Variants in NUAK1 observed in about 807,000 individuals in gnomAD.
The protein encoded by NUAK1 is NUAK family SNF1-like kinase 1.
In NUAK1, 26 loss-of-function variants were observed where a neutral mutation model predicts 56.9. The ratio of observed to expected loss-of-function variants is 0.46; its 90% CI spans 0.33 to 0.63. NUAK1 has a LOEUF of 0.63. Among genes scored for constraint, NUAK1 ranks in the 30% least tolerant of loss-of-function variants. The pLI, the probability that NUAK1 is intolerant of heterozygous loss-of-function variation, is 0.02. For synonymous variants in NUAK1, 337 were observed against 336.0 expected (o/e 1.00, Z -0.03); for missense variants, 727 against 876.1 (o/e 0.83, Z 2.15).
At chr12:106,113,513 A>C (rs529810216) in intron 1 of NUAK1, among the ~76,000 whole-genome samples, 2 of 152,010 alleles carry the variant, frequency 1.3e-5, no homozygotes, top group South Asian at 4.2e-4. Context: ...TGAAGGTGGC[A>C]GTGTTCAGGG....
chr12:106,101,455 A>G (rs940422825), intron 2 of NUAK1, among the ~76,000 whole-genome samples: 2 of 152,166 alleles, frequency 1.3e-5, no homozygotes, highest in African/African-American at 4.8e-5. Context: ...TGAGGTCCTT[A>G]GCACAGGCCC....
intron 3 of NUAK1, among the ~76,000 whole-genome samples, chr12:106,086,140 A>C (rs1455165754): frequency 6.6e-6 from 1 of 152,134 alleles, no homozygotes; most frequent in Non-Finnish European, 1.5e-5. Flanking sequence ...ACATGAGAGG[A>C]AAATATTCAT....
Position 106,083,038 on chromosome 12 carries a change from T to C in NUAK1, c.579+826A>G, listed in dbSNP as rs947507730. Among the ~76,000 whole-genome samples the C allele has an allele frequency of 6.6e-5, 10 of 152,272 alleles. No individual in the cohort carries two copies. In the South Asian group the frequency reaches 2.1e-3, roughly 32 times the overall value. On this transcript the variant is annotated intron_variant, in intron 4 of 6. Transcript: ENST00000261402. ...TTTTGTAGACGTGGTCAAAAGGACA[T>C]TCAGAGGGCTCCCTGGGAGGCACTT...
In NUAK1 at chr12:106,097,238, C is replaced by T. The variant is rs1169024323; in HGVS notation, c.361+9167G>A. ...GGTCACACTGCAGTAACTAGCAGTG[C>T]AATTGGCTCACTCAAATCTCAGCCT... On this transcript the variant is annotated intron_variant, in intron 2 of 6. Coordinates refer to ENST00000261402, the MANE Select transcript of NUAK1 (RefSeq NM_014840.3). Among the ~76,000 whole-genome samples, 4 of 152,212 alleles carry T rather than the reference C, an allele frequency of 2.6e-5. No homozygotes were observed. In the East Asian group the frequency reaches 7.7e-4, roughly 29 times the overall value.
Position 106,086,756 on chromosome 12 carries a change from G to C in NUAK1, c.491C>G (p.Ser164Cys), listed in dbSNP as rs2032574572. 3 of 1,614,094 alleles carry C rather than the reference G, an allele frequency of 1.9e-6. No homozygotes were observed. Among genetic ancestry groups the C allele is most frequent in the East Asian group, 2.2e-5 (1 of 44,880 alleles). The change falls in exon 3 of 7, where the codon TCT becomes TGT. Residue 164 changes from serine to cysteine, a missense_variant. Transcript: ENST00000261402. Reference protein sequence around the residue: ...ETRHFFRQIVSAVHYCHKNGV... With the variant: ...ETRHFFRQIVCAVHYCHKNGV... ...TACCTTGTGACAATAGTGCACAGCA[G>C]AGACGATCTGCCGGAAGAAGTGCCG...
chr12:106,109,766 G>C (rs1472884318), intron 1 of NUAK1, among the ~76,000 whole-genome samples: 1 of 152,174 alleles, frequency 6.6e-6, no homozygotes, highest in African/African-American at 2.4e-5. Context: ...CATTCATCTA[G>C]TAGAGAAATA....
intron 1 of NUAK1, among the ~76,000 whole-genome samples, chr12:106,117,464 C>T (rs766849722): frequency 2.6e-5 from 4 of 152,200 alleles, no homozygotes; most frequent in Non-Finnish European, 5.9e-5. Flanking sequence ...AAAGCCAAGG[C>T]AGTGTTGCTG....
At chr12:106,076,634 T>G (rs2032468087) in intron 4 of NUAK1, among the ~76,000 whole-genome samples, 1 of 152,146 alleles carries the variant, frequency 6.6e-6, no homozygotes, top group Admixed American at 6.6e-5. Context: ...CCCCACTGCA[T>G]GAAAATTGGG....
chr12:106,065,487 G>GC lies in NUAK1; in HGVS notation c.*1314dup, dbSNP rs1451696214. 1 of 151,936 alleles carries GC rather than the reference G, an allele frequency of 6.6e-6. No homozygotes were observed. The highest frequency in any genetic ancestry group is 1.5e-5 in the Non-Finnish European group (1 of 68,018). The allele number at this position is 151,936 out of a possible 1,614,324, so 9.4% of individuals were successfully genotyped here. ...GAATGGAACTTTCTCTTCCCCCAAA[G>GC]CCCAGGAGTTCATGGCAAAGTTTAA... On this transcript the variant is annotated 3_prime_UTR_variant, in exon 7 of 7. Coordinates refer to ENST00000261402, the MANE Select transcript of NUAK1 (RefSeq NM_014840.3).
At chr12:106,134,799 C>T (rs1020981563) in intron 1 of NUAK1, among the ~76,000 whole-genome samples, 1 of 152,184 alleles carries the variant, frequency 6.6e-6, no homozygotes, top group African/African-American at 2.4e-5. Flanking sequence ...GTGCAATAAA[C>T]AAGGCCCAAA....
In NUAK1 at chr12:106,067,368, T is replaced by C. The variant is rs1297259058; in HGVS notation, c.1420A>G (p.Arg474Gly). The C allele has an allele frequency of 1.2e-6, 2 of 1,614,180 alleles. No homozygotes were observed. Among genetic ancestry groups the C allele is most frequent in the Admixed American group, 1.7e-5 (1 of 60,038 alleles). Reference sequence around the variant, plus strand: ...GGGGAAGAGTAGTAACCTGATTCTCTCTGCTGGGTCTTTTTCAAGATGCCT... The same window carrying C: ...GGGGAAGAGTAGTAACCTGATTCTCCCTGCTGGGTCTTTTTCAAGATGCCT... ...KKGILKKTQQRESGYYSSPER... is the reference protein window; with the variant it reads ...KKGILKKTQQGESGYYSSPER... The change falls in exon 7 of 7, where the codon AGA (arginine) becomes GGA (glycine). Residue 474 changes from arginine (R) to glycine (G), a missense_variant. By Grantham distance (125) the Arg-to-Gly change is moderately radical (BLOSUM62 -2). Transcript: ENST00000261402. The surrounding 1 kb of genome is among the most constrained non-coding windows in gnomAD (Gnocchi z 6.0).
chr12:106,067,059 C>G lies in NUAK1; in HGVS notation c.1729G>C (p.Val577Leu). 6.2e-7 allele frequency: 1 copy of G among 1,614,234 alleles called. No homozygotes were observed. Among genetic ancestry groups the G allele is most frequent in the Non-Finnish European group, 8.5e-7 (1 of 1,180,046 alleles). ...RPSSVISDDS[V>L]LSSDSFDLLD... ...AAGTCAAAAGAGTCGCTGGACAGCA[C>G]GCTGTCATCGCTGATGACACTGGAA... is the stretch of plus-strand genomic sequence containing the variant. Residue 577 changes from valine to leucine, a missense_variant, in exon 7 of 7, where the codon GTG becomes CTG. Val to Leu is a conservative substitution (Grantham distance 32). Transcript: ENST00000261402. This position sits in a 1 kb window ranked among gnomAD's most constrained non-coding sequence, Gnocchi z 6.0.
chr12:106,075,534 A>C (rs1308661070), intron 4 of NUAK1, among the ~76,000 whole-genome samples: 3 of 152,168 alleles, frequency 2.0e-5, no homozygotes, highest in African/African-American at 7.2e-5. Context: ...TAAATGACAT[A>C]AAGTATGTAA....
In NUAK1 at chr12:106,096,901, T is replaced by G. The variant is rs536389382; in HGVS notation, c.361+9504A>C. 3.0e-4 allele frequency among the ~76,000 whole-genome samples: 46 copies of G among 152,328 alleles called. 1 individual carries two copies. The South Asian group carries it at 9.3e-3, about 31-fold the overall frequency. ...TGGGGGTGAGACCCAGGCATCAGCA[T>G]TTTTTACAAACTCCTCATGAGATTT... On this transcript the variant is annotated intron_variant, in intron 2 of 6. Transcript: ENST00000261402.
chr12:106,080,046 A>G (rs2032500063), intron 4 of NUAK1, among the ~76,000 whole-genome samples: 1 of 152,224 alleles, frequency 6.6e-6, no homozygotes, highest in East Asian at 1.9e-4. Flanking sequence ...GTGGATATAT[A>G]CACACAACAC....
chr12:106,107,836 T>A (rs1264532951), intron 1 of NUAK1, among the ~76,000 whole-genome samples: 1 of 152,194 alleles, frequency 6.6e-6, no homozygotes, highest in Non-Finnish European at 1.5e-5. Flanking sequence ...TTTTGCTATG[T>A]ATTGACCTCC....
intron 2 of NUAK1, among the ~76,000 whole-genome samples, chr12:106,105,206 G>C (rs1427961915): frequency 1.3e-5 from 2 of 152,076 alleles, no homozygotes; most frequent in African/African-American, 4.8e-5. Context: ...GCCCACCTCA[G>C]CCTCCCAAGG....
intron 2 of NUAK1, among the ~76,000 whole-genome samples, chr12:106,105,501 T>C (rs1413898363): frequency 2.0e-5 from 3 of 152,134 alleles, no homozygotes; most frequent in Non-Finnish European, 2.9e-5. Context: ...CCTTTTCAAA[T>C]GTCCTTACAG....
At chr12:106,127,180 T>C (rs2033032155) in intron 1 of NUAK1, among the ~76,000 whole-genome samples, 1 of 152,330 alleles carries the variant, frequency 6.6e-6, no homozygotes. Flanking sequence ...TTTTCTTTTA[T>C]TTGAGACAAG....
Sources: gnomAD v4.1 joint callset for allele counts (sites outside exome capture counted in the v4.1 genomes callset) on GRCh38, gnomAD v4.1.1 for gene constraint, Gnocchi (gnomAD v3.1) non-coding constraint, MANE v1.5 for transcripts, NCBI Gene and HGNC (gene_info 2026-07-23, HGNC 2026-07-21) for gene names.